The following PIK3R1 variants were observed in gnomAD, a reference collection of about 807,000 sequenced individuals.
The protein encoded by PIK3R1 is phosphoinositide-3-kinase regulatory subunit 1.
PIK3R1 carries 29 observed loss-of-function variants against 98.0 expected under a neutral mutation model. The observed-to-expected ratio is 0.30, with a 90% CI of 0.22 to 0.40. The LOEUF is 0.40. Among genes scored for constraint, PIK3R1 ranks in the 10% least tolerant of loss-of-function variants. The pLI is 1.00. For synonymous variants in PIK3R1, 282 were observed against 311.8 expected, an observed-to-expected ratio of 0.90 and a Z score of 1.01; for missense variants, 596 against 872.7, an observed-to-expected ratio of 0.68 and a Z score of 3.99.
At chr5:68,248,952 ACTGCTAT>A (rs1745200848) in intron 2 of PIK3R1, among the ~76,000 whole-genome samples, 1 of 152,226 alleles carries the variant, frequency 6.6e-6, no homozygotes, top group African/African-American at 2.4e-5. Context: ...TTTCCAGCAT[ACTGCTAT>A]GGATGTCAGC....
intron 2 of PIK3R1, among the ~76,000 whole-genome samples, chr5:68,270,223 G>C (rs1048420333): frequency 2.0e-5 from 3 of 151,964 alleles, no homozygotes; most frequent in Non-Finnish European, 4.4e-5. Context: ...GGATACTGCA[G>C]GTAAACTAAC....
In PIK3R1 at chr5:68,301,187, T is replaced by C. The variant is rs1748021899; in HGVS notation, c.*3586T>C. On this transcript the variant is annotated 3_prime_UTR_variant, in exon 16 of 16. Coordinates refer to ENST00000521381, the MANE Select transcript of PIK3R1 (RefSeq NM_181523.3). ...GCACAATGTCTCACATGGGACAAAGTTCCAAAATGCCAAATTCTTATTTTT... is the reference window on the plus strand; with the variant it reads ...GCACAATGTCTCACATGGGACAAAGCTCCAAAATGCCAAATTCTTATTTTT... 1 of 222,152 alleles carries C rather than the reference T, an allele frequency of 4.5e-6. No individual in the cohort carries two copies. The allele number at this position is 222,152 out of a possible 1,614,324, so 13.8% of individuals were successfully genotyped here.
In PIK3R1 at chr5:68,226,974, G is replaced by C. The variant is rs374500644; in HGVS notation, c.299G>C (p.Gly100Ala). The change falls in exon 2 of 16, where the codon GGT (glycine) becomes GCT (alanine). Residue 100 changes from glycine to alanine, a missense_variant. Coordinates refer to ENST00000521381, the MANE Select transcript of PIK3R1 (RefSeq NM_181523.3). Reference protein sequence around the residue: ...RPPRPLPVAPGSSKTEADVEQ... With the variant: ...RPPRPLPVAPASSKTEADVEQ... ...CCTCGGCCTCTTCCTGTTGCACCAGGTTCTTCGAAAACTGAAGCAGATGTT... is the reference window on the plus strand; with the variant it reads ...CCTCGGCCTCTTCCTGTTGCACCAGCTTCTTCGAAAACTGAAGCAGATGTT... 1.2e-6 allele frequency: 2 copies of C among 1,613,060 alleles called. No individual in the cohort carries two copies. Among genetic ancestry groups the C allele is most frequent in the African/African-American group, 1.3e-5 (1 of 74,738 alleles).
intron 12 of PIK3R1, 74 bp downstream of exon 12, chr5:68,294,752 C>A: frequency 9.4e-7 from 1 of 1,067,994 alleles, no homozygotes; most frequent in Non-Finnish European, 1.2e-6. Flanking sequence ...ATCTCGCTTT[C>A]TGTGCTTTGA....
intron 2 of PIK3R1, among the ~76,000 whole-genome samples, chr5:68,228,718 G>A (rs898289196): frequency 8.6e-6 from 1 of 115,970 alleles, no homozygotes; most frequent in African/African-American, 3.7e-5. Context: ...CATAAAAATA[G>A]TTGAATTAGA....
intron 2 of PIK3R1, among the ~76,000 whole-genome samples, chr5:68,252,746 T>C (rs1488609302): frequency 2.0e-5 from 3 of 152,186 alleles, no homozygotes; most frequent in African/African-American, 7.2e-5. Flanking sequence ...GGAGCTACTT[T>C]GTATTTCCCT....
At chr5:68,249,465 TC>T (rs1408543417) in intron 2 of PIK3R1, among the ~76,000 whole-genome samples, 1 of 152,236 alleles carries the variant, frequency 6.6e-6, no homozygotes, top group Non-Finnish European at 1.5e-5. Context: ...GGACATATTA[TC>T]TACCCTGCAC....
intron 2 of PIK3R1, among the ~76,000 whole-genome samples, chr5:68,233,081 A>T (rs1185245459): frequency 6.6e-6 from 1 of 152,242 alleles, no homozygotes; most frequent in Non-Finnish European, 1.5e-5. Context: ...TTAGAAAAAA[A>T]ATTAGAAATT....
At chr5:68,296,847 G>C (rs1162744832) in intron 15 of PIK3R1, among the ~76,000 whole-genome samples, 1 of 152,108 alleles carries the variant, frequency 6.6e-6, no homozygotes, top group Non-Finnish European at 1.5e-5. Context: ...CCTCTAGTAG[G>C]GAATGGTTCT....
chr5:68,231,205 C>T (rs190624495), intron 2 of PIK3R1, among the ~76,000 whole-genome samples: 25 of 152,302 alleles, frequency 1.6e-4, no homozygotes, highest in African/African-American at 5.8e-4. Context: ...CATGCTAATG[C>T]AGAATATTTA....
intron 2 of PIK3R1, among the ~76,000 whole-genome samples, chr5:68,263,158 T>C (rs1458397269): frequency 2.0e-5 from 3 of 146,502 alleles, no homozygotes; most frequent in Non-Finnish European, 4.5e-5. Context: ...TATATGTACA[T>C]ATATCTACAT....
rs1748006498 is a variant in PIK3R1, at chr5:68,300,923, G to A, written c.*3322G>A. ...CTTAGCTTGGAAATCCTTGTTTTCA[G>A]TGTGTCGAGTCAAAATGTGTTTATG... On this transcript the variant is annotated 3_prime_UTR_variant, in exon 16 of 16. Coordinates refer to ENST00000521381, the MANE Select transcript of PIK3R1 (RefSeq NM_181523.3). The A allele has an allele frequency of 4.3e-6, 1 of 233,268 alleles. No individual in the cohort carries two copies. The highest frequency in any genetic ancestry group is 5.6e-5 in the Admixed American group (1 of 17,780). 14.4% of individuals were successfully genotyped at this position (233,268 alleles called of 1,614,324 possible).
intron 1 of PIK3R1, among the ~76,000 whole-genome samples, chr5:68,226,048 G>A (rs751682359): frequency 6.6e-6 from 1 of 151,904 alleles, no homozygotes; most frequent in East Asian, 1.9e-4. Flanking sequence ...CATTATCAGC[G>A]ATAATGTCAC....
In PIK3R1 at chr5:68,301,027, G is replaced by A. The variant is rs1748013391; in HGVS notation, c.*3426G>A. On this transcript the variant is annotated 3_prime_UTR_variant, in exon 16 of 16. Coordinates refer to ENST00000521381, the MANE Select transcript of PIK3R1 (RefSeq NM_181523.3). Reference sequence around the variant, plus strand: ...AGTAACATGTTTGGGAAGTCCTACTGATGTTCCTTTGGAAGAAAAAATCTG... The same window carrying A: ...AGTAACATGTTTGGGAAGTCCTACTAATGTTCCTTTGGAAGAAAAAATCTG... 1 of 232,272 alleles carries A rather than the reference G, an allele frequency of 4.3e-6. No homozygotes were observed. Among genetic ancestry groups the A allele is most frequent in the Non-Finnish European group, 8.5e-6 (1 of 117,378 alleles). The allele number at this position is 232,272 out of a possible 1,614,324, so 14.4% of individuals were successfully genotyped here.
chr5:68,260,288 T>C (rs1233951383), intron 2 of PIK3R1, among the ~76,000 whole-genome samples: 1 of 152,178 alleles, frequency 6.6e-6, no homozygotes, highest in Non-Finnish European at 1.5e-5. Context: ...CAGTTTCCTG[T>C]AAGTATCATG....
chr5:68,289,510 G>C (rs911089448), intron 7 of PIK3R1, among the ~76,000 whole-genome samples: 14 of 151,862 alleles, frequency 9.2e-5, no homozygotes, highest in African/African-American at 3.4e-4. Flanking sequence ...ATAGATCACA[G>C]AGCCCCACTG....
chr5:68,274,013 G>C lies in PIK3R1; in HGVS notation c.502G>C (p.Asp168His). Reference sequence around the variant, plus strand: ...AGAATTACGACAGCTTCTTGATTGTGGTGAGTGTCACAGAGCTAGAAATGC... The same window carrying C: ...AGAATTACGACAGCTTCTTGATTGTCGTGAGTGTCACAGAGCTAGAAATGC... ...LAELRQLLDCDTPSVDLEMID... is the reference protein window; with the variant it reads ...LAELRQLLDCHTPSVDLEMID... The change falls in exon 4 of 16, where the codon GAT (aspartate) becomes CAT (histidine). Residue 168 changes from aspartate to histidine, a missense_variant and splice_region_variant. By Grantham distance (81) the Asp-to-His change is moderately conservative. Transcript: ENST00000521381. 6 of 1,612,156 alleles carry C rather than the reference G, an allele frequency of 3.7e-6. No homozygotes were observed. The highest frequency in any genetic ancestry group is 5.1e-6 in the Non-Finnish European group (6 of 1,178,260).
intron 7 of PIK3R1, among the ~76,000 whole-genome samples, chr5:68,282,031 G>A (rs1561290329): frequency 6.6e-6 from 1 of 152,150 alleles, no homozygotes; most frequent in Non-Finnish European, 1.5e-5. Context: ...GCGGGTATTG[G>A]GAAAGGTTTA....
At chr5:68,228,091 G>A (rs912376754) in intron 2 of PIK3R1, among the ~76,000 whole-genome samples, 2 of 152,150 alleles carry the variant, frequency 1.3e-5, no homozygotes, top group African/African-American at 4.8e-5. Context: ...TCTAAGAAGG[G>A]AATGGGAAGG....
Sources: gnomAD v4.1 joint callset for allele counts (sites outside exome capture counted in the v4.1 genomes callset) on GRCh38, gnomAD v4.1.1 for gene constraint, MANE v1.5 for transcripts, NCBI Gene and HGNC (gene_info 2026-07-23, HGNC 2026-07-21) for gene names.